PMM2: variants seen among roughly 807,000 people sequenced by gnomAD.
PMM2 encodes the protein phosphomannomutase 2, also known as mannose-6-phosphate isomerase.
Under a neutral mutation model 33.2 loss-of-function variants are expected in PMM2, and 35 were observed. The ratio of observed to expected loss-of-function variants is 1.06; its 90% CI spans 0.81 to 1.40. The LOEUF is 1.40. PMM2 is among the 40% of genes most tolerant of loss of function. The pLI is 0.00. For synonymous variants in PMM2, 153 were observed against 114.7 expected (o/e 1.33, Z -2.13); for missense variants, 386 against 306.0 (o/e 1.26, Z -1.95).
intron 7 of PMM2, among the ~76,000 whole-genome samples, chr16:8,841,411 G>T (rs1164858888): frequency 6.7e-6 from 1 of 149,242 alleles, no homozygotes; most frequent in East Asian, 2.0e-4. Flanking sequence ...TTAGTTATCT[G>T]ACTCGGGGCA....
At position 8,832,042 on chromosome 16, in the gene PMM2, G is replaced by T. The variant is rs562122280; in HGVS notation, c.640-15682G>T. ...TGCAAATCCAGCATTTGAAATTTCCGGTTCTCTAGCCTTATTATTCTAGAG... is the reference window on the plus strand; with the variant it reads ...TGCAAATCCAGCATTTGAAATTTCCTGTTCTCTAGCCTTATTATTCTAGAG... On this transcript the variant is annotated intron_variant, in intron 7 of 7. Transcript: ENST00000268261. The T allele has an allele frequency of 8.9e-6, 6 of 672,500 alleles. No individual in the cohort carries two copies. In the African/African-American group the frequency reaches 1.2e-4, roughly 13 times the overall value. The allele number at this position is 672,500 out of a possible 1,614,324, so 41.7% of individuals were successfully genotyped here.
At chr16:8,812,887 T>C (rs2060685219) in intron 6 of PMM2, 104 bp from the exon 7 acceptor site, 1 of 769,276 alleles carries the variant, frequency 1.3e-6, no homozygotes, top group Non-Finnish European at 2.4e-6. Context: ...AAATCAACCT[T>C]GGCAACCCAC....
chr16:8,832,146 A>G, intron 7 of PMM2: 2 of 985,426 alleles, frequency 2.0e-6, no homozygotes, highest in Non-Finnish European at 2.4e-6. Flanking sequence ...AGCTCGACAC[A>G]GCCCCAAGAA....
chr16:8,818,854 T>C (rs1445665880), intron 7 of PMM2, among the ~76,000 whole-genome samples: 1 of 149,394 alleles, frequency 6.7e-6, no homozygotes, highest in Non-Finnish European at 1.5e-5. Context: ...TGGCATGGAG[T>C]ACCTTGGTTT....
chr16:8,805,930 G>A (rs1189199144), intron 3 of PMM2, among the ~76,000 whole-genome samples: 1 of 152,314 alleles, frequency 6.6e-6, no homozygotes, highest in East Asian at 1.9e-4. Context: ...GCTCTTAGTA[G>A]TAGTAAGATC....
chr16:8,815,805 T>C (rs1455476649), intron 7 of PMM2, among the ~76,000 whole-genome samples: 1 of 151,980 alleles, frequency 6.6e-6, no homozygotes, highest in Non-Finnish European at 1.5e-5. Flanking sequence ...AACAAACAAG[T>C]TGGACAACGT....
chr16:8,818,065 G>A (rs796953639), intron 7 of PMM2, among the ~76,000 whole-genome samples: 10 of 152,018 alleles, frequency 6.6e-5, no homozygotes, highest in African/African-American at 2.2e-4. Context: ...CACCACGCCC[G>A]GCTAATTTTT....
At chr16:8,809,499 C>T (rs912277598) in intron 4 of PMM2, 4 of 151,146 alleles carry the variant, frequency 2.6e-5, no homozygotes, top group Non-Finnish European at 5.9e-5. Flanking sequence ...GTCTCCCAGA[C>T]TGGAGTGCAA....
At chr16:8,816,895 T>TA (rs2060711483) in intron 7 of PMM2, among the ~76,000 whole-genome samples, 1 of 152,120 alleles carries the variant, frequency 6.6e-6, no homozygotes, top group Admixed American at 6.5e-5. Context: ...CAGTTCCACT[T>TA]AGAGATATAT....
chr16:8,833,686 C>G (rs4066787), intron 7 of PMM2, among the ~76,000 whole-genome samples: 2 of 148,928 alleles, frequency 1.3e-5, no homozygotes, highest in Non-Finnish European at 3.0e-5. Context: ...GAAGAAACAT[C>G]TGTCGTATAG....
At chr16:8,817,127 C>T (rs897614758) in intron 7 of PMM2, among the ~76,000 whole-genome samples, 5 of 152,200 alleles carry the variant, frequency 3.3e-5, no homozygotes, top group Admixed American at 2.0e-4. Context: ...ACGATAAGCT[C>T]TCTCTCAGTG....
chr16:8,804,031 G>GTTTTTTTTTTTTTTTTTT (rs752484926), intron 2 of PMM2, among the ~76,000 whole-genome samples: 19 of 87,484 alleles, frequency 2.2e-4, no homozygotes, highest in African/African-American at 3.6e-4. Flanking sequence ...GGTTTTTTTT[G>GTTTTTTTTTTTTTTTTTT]TTTTTTTTTT....
chr16:8,828,223 T>C (rs954171623), intron 7 of PMM2, among the ~76,000 whole-genome samples: 10 of 151,700 alleles, frequency 6.6e-5, no homozygotes, highest in Non-Finnish European at 5.9e-5. Flanking sequence ...CAGTTTTTTG[T>C]TTTTTTCTTT....
chr16:8,829,806 A>G (rs1303484848), intron 7 of PMM2, among the ~76,000 whole-genome samples: 2 of 152,206 alleles, frequency 1.3e-5, no homozygotes, highest in Non-Finnish European at 2.9e-5. Context: ...TCCTTCAGCA[A>G]TTCCCTTAGA....
At chr16:8,836,199 T>A (rs950911932) in intron 7 of PMM2, among the ~76,000 whole-genome samples, 2 of 151,902 alleles carry the variant, frequency 1.3e-5, no homozygotes, top group East Asian at 3.9e-4. Context: ...GGGGATGGAC[T>A]TACCCTCCAC....
At chr16:8,820,496 G>A (rs1032344476) in intron 7 of PMM2, among the ~76,000 whole-genome samples, 10 of 151,974 alleles carry the variant, frequency 6.6e-5, no homozygotes, top group East Asian at 3.9e-4. Context: ...TGGGATTACC[G>A]GTGCCCACCA....
intron 7 of PMM2, among the ~76,000 whole-genome samples, chr16:8,813,580 A>G (rs1326264115): frequency 6.6e-6 from 1 of 152,192 alleles, no homozygotes; most frequent in Non-Finnish European, 1.5e-5. Flanking sequence ...CAAAGAGGCC[A>G]AGTGAGTCCC....
intron 7 of PMM2, chr16:8,832,748 C>G (rs915593117): frequency 1.0e-6 from 1 of 985,114 alleles, no homozygotes; most frequent in South Asian, 4.7e-5. Context: ...AGGCGGCTAC[C>G]CGTGAAATCC....
intron 6 of PMM2, among the ~76,000 whole-genome samples, chr16:8,811,951 C>A (rs1378875719): frequency 6.6e-6 from 1 of 152,174 alleles, no homozygotes; most frequent in African/African-American, 2.4e-5. Context: ...AAATTCTTAC[C>A]CAACAGCATT....
Sources: allele counts gnomAD v4.1 joint callset (sites outside exome capture counted in the v4.1 genomes callset), GRCh38; gene constraint gnomAD v4.1.1; transcripts MANE v1.5; gene names NCBI Gene and HGNC (gene_info 2026-07-23, HGNC 2026-07-21).